HS6ST2: variants seen among roughly 807,000 people sequenced by gnomAD.
HS6ST2 encodes the protein heparan sulfate 6-O-sulfotransferase 2, also known as heparan-sulfate 6-O-sulfotransferase 2.
In HS6ST2, 17 loss-of-function variants were observed where a neutral mutation model predicts 33.0. The ratio of observed to expected loss-of-function variants is 0.52; its 90% confidence interval spans 0.35 to 0.77. HS6ST2 has a LOEUF of 0.77. HS6ST2 is among the 30% of genes least tolerant of loss of function. The pLI is 0.01. For missense variants in HS6ST2, 519 were observed against 551.7 expected (o/e 0.94, Z 0.59); for synonymous variants, 248 against 237.1 (o/e 1.05, Z -0.42).
intron 2 of HS6ST2, among the ~76,000 whole-genome samples, chrX:132,917,373 C>A (rs984033541): frequency 2.7e-5 from 3 of 111,065 alleles, no homozygotes; most frequent in Non-Finnish European, 3.8e-5. Context: ...CTGAGGCGGG[C>A]GGATCACTTG....
intron 2 of HS6ST2, among the ~76,000 whole-genome samples, chrX:132,714,815 C>T (rs772547803): frequency 9.0e-6 from 1 of 111,430 alleles, no homozygotes; most frequent in African/African-American, 3.3e-5. Context: ...AGCCCCTGCC[C>T]CACACTGGCT....
At chrX:132,634,689 C>T (rs1044119410) in intron 4 of HS6ST2, among the ~76,000 whole-genome samples, 6 of 111,891 alleles carry the variant, frequency 5.4e-5, no homozygotes, top group African/African-American at 1.9e-4. Flanking sequence ...GGAGGAACTG[C>T]CTGAAACAGC....
At chrX:132,825,244 C>T (rs999769263) in intron 2 of HS6ST2, among the ~76,000 whole-genome samples, 14 of 111,146 alleles carry the variant, frequency 1.3e-4, no homozygotes, top group Non-Finnish European at 1.9e-4. Context: ...CTGGGGTATA[C>T]GAGGAGAGAG....
chrX:132,959,924 T>A (rs778892853), upstream of HS6ST2, among the ~76,000 whole-genome samples: 470 of 112,103 alleles, frequency 4.2e-3, 1 homozygote, highest in Middle Eastern at 9.2e-3. Context: ...GTGCACCCTG[T>A]CTTTACCACC....
intron 2 of HS6ST2, among the ~76,000 whole-genome samples, chrX:132,773,473 G>A (rs1348015007): frequency 2.7e-5 from 3 of 109,659 alleles, no homozygotes; most frequent in Non-Finnish European, 5.7e-5. Context: ...TCCACTCCTA[G>A]GTATATATCC....
At chrX:132,740,039 C>T (rs1569485450) in intron 2 of HS6ST2, among the ~76,000 whole-genome samples, 1 of 111,200 alleles carries the variant, frequency 9.0e-6, no homozygotes, top group Admixed American at 9.5e-5. Flanking sequence ...GGTCAAAGCG[C>T]ATAGACATTT....
At chrX:132,647,891 C>T (rs2063659126) in intron 4 of HS6ST2, among the ~76,000 whole-genome samples, 1 of 112,223 alleles carries the variant, frequency 8.9e-6, no homozygotes, top group East Asian at 2.8e-4. Flanking sequence ...ATGAGCTCTG[C>T]AGCCATTCTG....
In HS6ST2 at chrX:132,628,529, C is replaced by G. The variant is rs750108921; in HGVS notation, c.1632G>C (p.Gln544His). 2 of 1,209,257 alleles carry G rather than the reference C, an allele frequency of 1.7e-6. No homozygotes were observed. Among genetic ancestry groups the G allele is most frequent in the Non-Finnish European group, 2.2e-6 (2 of 895,102 alleles). Residue 544 changes from glutamine to histidine, a missense_variant, in exon 5 of 5, where the codon CAG (glutamine) becomes CAC (histidine). Coordinates refer to ENST00000370833, the MANE Select transcript of HS6ST2 (RefSeq NM_001394073.1). The stretch of plus-strand genomic sequence containing the variant: ...TTCGCCTGGCCTCCTGATGCTCTTT[C>G]TGCCTCATAAACTGATACCTCTGCA... ...LFLQRYQFMR[Q>H]KEHQEARRKR... is the part of the protein sequence containing the mutation.
intron 2 of HS6ST2, among the ~76,000 whole-genome samples, chrX:132,730,633 G>A (rs1313158352): frequency 8.9e-6 from 1 of 112,516 alleles, no homozygotes; most frequent in Middle Eastern, 4.6e-3. Flanking sequence ...ATGGCGGCTT[G>A]CCACATTGTG....
Position 132,958,624 on chromosome X carries a change from G to A in HS6ST2, c.-22C>T, listed in dbSNP as rs1334440327. The A allele has an allele frequency of 8.8e-7, 1 of 1,135,006 alleles. No individual in the cohort carries two copies. The highest frequency in any genetic ancestry group is 2.7e-5 in the Admixed American group (1 of 36,763). 93.5% of individuals were successfully genotyped at this position (1,135,006 alleles called of 1,213,427 possible). A position where few individuals can be genotyped will look rare whatever the true frequency, so the allele number is the denominator to read the frequency against. ...CCATTCCCCCCTTCAGGCAACTCAG[G>A]GTACTAAGGATCACGAGCGAGCTTG... On this transcript the variant is annotated 5_prime_UTR_variant, in exon 1 of 5. Coordinates refer to ENST00000370833, the MANE Select transcript of HS6ST2 (RefSeq NM_001394073.1).
intron 2 of HS6ST2, among the ~76,000 whole-genome samples, chrX:132,874,306 G>T (rs1602787519): frequency 1.8e-5 from 2 of 112,717 alleles, no homozygotes; most frequent in Admixed American, 1.9e-4. Context: ...GGCTGGGCAT[G>T]GTGGCTCACT....
intron 2 of HS6ST2, among the ~76,000 whole-genome samples, chrX:132,848,015 C>G (rs748481883): frequency 2.8e-4 from 31 of 112,299 alleles, no homozygotes; most frequent in African/African-American, 9.7e-4. Flanking sequence ...GTTGTAGAAA[C>G]AGCTGGTGCA....
chrX:132,947,072 G>T (rs2066964934), intron 2 of HS6ST2, among the ~76,000 whole-genome samples: 1 of 111,648 alleles, frequency 9.0e-6, no homozygotes, highest in South Asian at 3.8e-4. Context: ...CATATGATCA[G>T]ATAGTATGGT....
intron 2 of HS6ST2, among the ~76,000 whole-genome samples, chrX:132,864,975 AT>A (rs764448558): frequency 2.7e-5 from 3 of 110,506 alleles, no homozygotes; most frequent in Non-Finnish European, 3.8e-5. Flanking sequence ...AAAGAAAACA[AT>A]TTTTTTTATT....
intron 3 of HS6ST2, among the ~76,000 whole-genome samples, chrX:132,680,125 T>C (rs1005742073): frequency 2.8e-5 from 3 of 108,080 alleles, no homozygotes; most frequent in Admixed American, 1.0e-4. Context: ...AGTGTATTGA[T>C]TGGGGAAGTG....
chrX:132,867,892 C>A (rs1013636193), intron 2 of HS6ST2, among the ~76,000 whole-genome samples: 3 of 111,463 alleles, frequency 2.7e-5, no homozygotes, highest in Non-Finnish European at 5.7e-5. Context: ...GGAAAAATAA[C>A]CAGCTAGCAT....
chrX:132,715,237 C>T (rs1027245823), intron 2 of HS6ST2, among the ~76,000 whole-genome samples: 1 of 111,178 alleles, frequency 9.0e-6, no homozygotes, highest in South Asian at 3.9e-4. Flanking sequence ...GAGTTCAAGA[C>T]CAACCTGGAT....
At chrX:132,787,331 C>T (rs1338445474) in intron 2 of HS6ST2, among the ~76,000 whole-genome samples, 6 of 94,618 alleles carry the variant, frequency 6.3e-5, no homozygotes, top group East Asian at 3.3e-4. Flanking sequence ...CTTGCTCTGT[C>T]GCCCAGGCTG....
At chrX:132,948,988 G>A (rs984991930) in intron 2 of HS6ST2, among the ~76,000 whole-genome samples, 43 of 111,721 alleles carry the variant, frequency 3.8e-4, no homozygotes, top group African/African-American at 1.4e-3. Context: ...GCATAGAGTG[G>A]TCCCTCAGAT....
Sources: allele counts gnomAD v4.1 joint callset (sites outside exome capture counted in the v4.1 genomes callset), GRCh38; gene constraint gnomAD v4.1.1; transcripts MANE v1.5; gene names NCBI Gene and HGNC (gene_info 2026-07-23, HGNC 2026-07-21).